SIDT2: variants seen among roughly 807,000 people sequenced by gnomAD.
The protein encoded by SIDT2 is SID1 transmembrane family member 2.
In SIDT2, 68 loss-of-function variants were observed where a neutral mutation model predicts 114.4. The ratio of observed to expected loss-of-function variants is 0.59; its 90% CI spans 0.49 to 0.73. SIDT2 has a LOEUF of 0.73. Among genes scored for constraint, SIDT2 ranks in the 30% least tolerant of loss-of-function variants. The probability of loss-of-function intolerance (pLI) is 0.00; values close to 1 mark genes in which losing one functional copy is unlikely to be tolerated. For missense variants in SIDT2, 918 were observed against 1,097.1 expected (o/e 0.84, Z 2.31); for synonymous variants, 470 against 438.4 (o/e 1.07, Z -0.90).
Position 117,190,124 on chromosome 11 carries a change from G to T in SIDT2, c.1494-42G>T. Reference sequence around the variant, plus strand: ...CCACGTGGGCTAGGGAAGAGGCCTGGGTGTGAGTCCCAAGCAGTCTGCCTT... The same window carrying T: ...CCACGTGGGCTAGGGAAGAGGCCTGTGTGTGAGTCCCAAGCAGTCTGCCTT... On this transcript the variant is annotated intron_variant, in intron 16 of 25. Coordinates refer to ENST00000324225, the MANE Select transcript of SIDT2 (RefSeq NM_001040455.2). The surrounding 1 kb of genome is among the most constrained non-coding windows in gnomAD (Gnocchi z 4.1). The T allele has an allele frequency of 6.2e-7, 1 of 1,608,638 alleles. No individual in the cohort carries two copies. Among genetic ancestry groups the T allele is most frequent in the Non-Finnish European group, 8.5e-7 (1 of 1,176,786 alleles).
Position 117,193,882 on chromosome 11 carries a change from C to G in SIDT2, c.2241C>G (p.Ile747Met). 2 of 1,614,066 alleles carry G rather than the reference C, an allele frequency of 1.2e-6. No individual in the cohort carries two copies. Among genetic ancestry groups the G allele is most frequent in the Non-Finnish European group, 1.7e-6 (2 of 1,180,002 alleles). Residue 747 changes from isoleucine (I) to methionine (M), a missense_variant, in exon 24 of 26, where the codon ATC (isoleucine) becomes ATG (methionine). Ile to Met is a conservative substitution (Grantham distance 10). Around this residue, in one of 4 missense-constraint regions of SIDT2, gnomAD observed 275 missense variants for 397.6 expected, o/e 0.69. Transcript: ENST00000324225. ...KLRSGERIKL[I>M]PLLCIVCTSV... ...GGAGTGGGGAGAGGATCAAGCTCATCCCCCTGCTCTGCATCGTTTGCACCT... is the reference window on the plus strand; with the variant it reads ...GGAGTGGGGAGAGGATCAAGCTCATGCCCCTGCTCTGCATCGTTTGCACCT...
chr11:117,195,448 G>A (rs557917996), intron 24 of SIDT2, among the ~76,000 whole-genome samples: 21 of 152,296 alleles, frequency 1.4e-4, no homozygotes, highest in Admixed American at 7.8e-4. Flanking sequence ...GAGCAAGGGC[G>A]GAGTCCAAGG....
intron 1 of SIDT2, among the ~76,000 whole-genome samples, chr11:117,180,120 G>A (rs1207633678): frequency 6.6e-6 from 1 of 152,228 alleles, no homozygotes; most frequent in Non-Finnish European, 1.5e-5. Flanking sequence ...CCCAGGCAGA[G>A]CTGAGATTGG....
chr11:117,190,840 C>T lies in SIDT2; in HGVS notation c.1735+100C>T. 1.1e-6 allele frequency: 1 copy of T among 910,700 alleles called. No individual in the cohort carries two copies. Among genetic ancestry groups the T allele is most frequent in the Non-Finnish European group, 1.8e-6 (1 of 560,354 alleles). The allele number at this position is 910,700 out of a possible 1,614,324, so 56.4% of individuals were successfully genotyped here. ...ACCCACAGGGATCGCTAAGACACCC[C>T]TGTAGGAAACTCCAAGGCTGGCGTG... On this transcript the variant is annotated intron_variant, in intron 18 of 25. Coordinates refer to ENST00000324225, the MANE Select transcript of SIDT2 (RefSeq NM_001040455.2). The surrounding 1 kb of genome is among the most constrained non-coding windows in gnomAD (Gnocchi z 4.1).
intron 10 of SIDT2, chr11:117,186,843 T>C: frequency 9.6e-7 from 1 of 1,043,736 alleles, no homozygotes; most frequent in Non-Finnish European, 1.4e-6. Context: ...GAGGTGTTGC[T>C]TGGTTTATTC....
intron 18 of SIDT2, 156 bp from the exon 19 acceptor site, chr11:117,191,722 G>A: frequency 3.5e-4 from 335 of 960,326 alleles, no homozygotes; most frequent in Admixed American, 1.4e-3. Context: ...GTACAACTAA[G>A]GAACTGAAGT....
intron 24 of SIDT2, 52 bp downstream of exon 24, chr11:117,194,015 T>C: frequency 7.1e-7 from 1 of 1,406,460 alleles, no homozygotes. Flanking sequence ...CCAGTCCTCT[T>C]TTTAAACATT....
chr11:117,189,991 A>C lies in SIDT2; in HGVS notation c.1459A>C (p.Asn487His). ...VTGNQDICYY[N>H]FLCAHPLGNL... ...AGGGAATCAGGACATCTGCTACTAC[A>C]ACTTCCTCTGCGCCCACCCACTGGG... The change falls in exon 16 of 26, where the codon AAC becomes CAC. Residue 487 changes from asparagine (N) to histidine (H), a missense_variant. This residue lies in a region of SIDT2 where 18 missense variants were observed against 39.6 expected (regional missense o/e 0.45). Transcript: ENST00000324225. The C allele has an allele frequency of 6.2e-7, 1 of 1,614,064 alleles. No individual in the cohort carries two copies. Among genetic ancestry groups the C allele is most frequent in the Non-Finnish European group, 8.5e-7 (1 of 1,180,004 alleles).
At position 117,182,588 on chromosome 11, in the gene SIDT2, C is replaced by T; in HGVS notation, c.586C>T (p.Pro196Ser). 6.2e-7 allele frequency: 1 copy of T among 1,614,256 alleles called. No homozygotes were observed. The highest frequency in any genetic ancestry group is 8.5e-7 in the Non-Finnish European group (1 of 1,180,048). The change falls in exon 5 of 26, where the codon CCC becomes TCC. Residue 196 changes from proline to serine, a missense_variant. Physicochemically the swap from Pro to Ser is moderately conservative, Grantham distance 74. This residue lies in a region of SIDT2 where 553 missense variants were observed against 600.1 expected (regional missense o/e 0.92). Transcript: ENST00000324225. ...CAAGGTGACCTCCAACAAGGCCTTC[C>T]CCTGCTCAGTCATCTCCATTCAGGA... is the stretch of plus-strand genomic sequence containing the variant. ...IVKVTSNKAFPCSVISIQDVL... is the reference protein window; with the variant it reads ...IVKVTSNKAFSCSVISIQDVL...
In SIDT2 at chr11:117,181,473, C is replaced by T. The variant is rs1374177896; in HGVS notation, c.241C>T (p.Leu81=). Residue 81 remains leucine (L), a synonymous_variant, in exon 2 of 26, where the codon CTG becomes TTG. Transcript: ENST00000324225. ...VLNKQKGAPL[L]FVVRQKEAVV... ...GAACAAGCAGAAGGGGGCGCCGTTG[C>T]TGTTTGTGGTCCGCCAGAAGGAGGC... 1 of 1,613,744 alleles carries T rather than the reference C, an allele frequency of 6.2e-7. No individual in the cohort carries two copies. Among genetic ancestry groups the T allele is most frequent in the East Asian group, 2.2e-5 (1 of 44,834 alleles).
intron 6 of SIDT2, 130 bp downstream of exon 6, chr11:117,182,936 T>C (rs773141845): frequency 1.2e-4 from 123 of 1,004,340 alleles, no homozygotes; most frequent in Non-Finnish European, 1.6e-4. Context: ...TTCCAGTCCC[T>C]GTGACTTTGA....
In SIDT2 at chr11:117,188,876, T is replaced by G; in HGVS notation, c.1278+50T>G. 3.9e-6 allele frequency: 6 copies of G among 1,531,620 alleles called. No individual in the cohort carries two copies. The highest frequency in any genetic ancestry group is 5.4e-6 in the Non-Finnish European group (6 of 1,104,794). 94.9% of individuals were successfully genotyped at this position (1,531,620 alleles called of 1,614,324 possible). ...TCAGGCGTTTCCTGAGAAAGGGACA[T>G]TCTGCGTTCCCGCCCCAGCATGTTC... On this transcript the variant is annotated intron_variant, in intron 13 of 25. Coordinates refer to ENST00000324225, the MANE Select transcript of SIDT2 (RefSeq NM_001040455.2). This position sits in a 1 kb window ranked among gnomAD's most constrained non-coding sequence, Gnocchi z 4.0.
chr11:117,193,273 CCAAG>C lies in SIDT2; in HGVS notation c.2211+17_2211+20del. ...TCATCATGAAGGTGAGTGGGGCTGG[CCAAG>C]CCCCCTCTGTCAGCTGCTCTGCTAT... is the stretch of plus-strand genomic sequence containing the variant. On this transcript the variant is annotated intron_variant, in intron 23 of 25. Coordinates refer to ENST00000324225, the MANE Select transcript of SIDT2 (RefSeq NM_001040455.2). The C allele has an allele frequency of 6.3e-7, 1 of 1,592,436 alleles. No homozygotes were observed.
At chr11:117,182,912 C>T in intron 6 of SIDT2, 106 bp downstream of exon 6, 1 of 1,271,016 alleles carries the variant, frequency 7.9e-7, no homozygotes, top group Admixed American at 2.4e-5. Flanking sequence ...CTACACACGA[C>T]TGAGTCTTTG....
In SIDT2 at chr11:117,187,392, C is replaced by A. The variant is rs149993039; in HGVS notation, c.1030C>A (p.Leu344Met). 306 of 1,614,068 alleles carry A rather than the reference C, an allele frequency of 1.9e-4. 1 individual carries two copies. The African/African-American group carries it at 3.8e-3, about 20-fold the overall frequency. ...TCTCATTGCAGGTCACCCTCGAGTC[C>A]TGGCTGATTCTTTTCCTGGCAGTTC... Reference protein sequence around the residue: ...ACPESGHPRVLADSFPGSSPY... With the variant: ...ACPESGHPRVMADSFPGSSPY... The change falls in exon 11 of 26, where the codon CTG (leucine) becomes ATG (methionine). Residue 344 changes from leucine to methionine, a missense_variant. Leu to Met is a conservative substitution (Grantham distance 15). Transcript: ENST00000324225.
At position 117,187,457 on chromosome 11, in the gene SIDT2, T is replaced by A; in HGVS notation, c.1087+8T>A. On this transcript the variant is annotated splice_region_variant and intron_variant, in intron 11 of 25. Transcript: ENST00000324225. The stretch of plus-strand genomic sequence containing the variant: ...ACAACTATGGCTCCTTTGGTACGTG[T>A]CAAAGCCAGCACCGTGCTTGCTGGG... 1 of 1,613,774 alleles carries A rather than the reference T, an allele frequency of 6.2e-7. No individual in the cohort carries two copies. Among genetic ancestry groups the A allele is most frequent in the Non-Finnish European group, 8.5e-7 (1 of 1,179,728 alleles).
At position 117,192,215 on chromosome 11, in the gene SIDT2, T is replaced by C. The variant is rs767328179; in HGVS notation, c.1873-39T>C. 6.8e-7 allele frequency: 1 copy of C among 1,481,248 alleles called. No homozygotes were observed. Among genetic ancestry groups the C allele is most frequent in the South Asian group, 1.1e-5 (1 of 88,422 alleles). 91.8% of individuals were successfully genotyped at this position (1,481,248 alleles called of 1,614,324 possible). On this transcript the variant is annotated intron_variant, in intron 19 of 25. Coordinates refer to ENST00000324225, the MANE Select transcript of SIDT2 (RefSeq NM_001040455.2). This position sits in a 1 kb window ranked among gnomAD's most constrained non-coding sequence, Gnocchi z 5.9. ...GGGTGGGCCATCCGAGCCACTTCCC[T>C]CTCCACCCTCACCGCTGCCCTTGGT...
At position 117,192,796 on chromosome 11, in the gene SIDT2, C is replaced by T; in HGVS notation, c.2059-24C>T. 1 of 1,614,096 alleles carries T rather than the reference C, an allele frequency of 6.2e-7. No homozygotes were observed. The highest frequency in any genetic ancestry group is 1.1e-5 in the South Asian group (1 of 91,088). On this transcript the variant is annotated intron_variant, in intron 21 of 25. Coordinates refer to ENST00000324225, the MANE Select transcript of SIDT2 (RefSeq NM_001040455.2). The surrounding 1 kb of genome is among the most constrained non-coding windows in gnomAD (Gnocchi z 5.9). Reference sequence around the variant, plus strand: ...CACCCTCCCTGCCCCTGCCCTCAGTCCCTGTGTCCCTGCTTCCCTCCAGGA... The same window carrying T: ...CACCCTCCCTGCCCCTGCCCTCAGTTCCTGTGTCCCTGCTTCCCTCCAGGA...
chr11:117,181,531 G>A lies in SIDT2; in HGVS notation c.299G>A (p.Arg100Gln), dbSNP rs760499947. 3 of 1,613,916 alleles carry A rather than the reference G, an allele frequency of 1.9e-6. No homozygotes were observed. Among genetic ancestry groups the A allele is most frequent in the Admixed American group, 1.7e-5 (1 of 59,996 alleles). Residue 100 changes from arginine (R) to glutamine (Q), a missense_variant, in exon 2 of 26, where the codon CGA (arginine) becomes CAA (glutamine). This residue lies in a region of SIDT2 where 553 missense variants were observed against 600.1 expected (regional missense o/e 0.92). Transcript: ENST00000324225. ...VVSFQVPLIL[R>Q]GMFQRKYLYQ... ...TCCTTCCAGGTGCCCCTAATCCTGC[G>A]AGGGATGTGAGTAGGATCTGGGCAT...
Sources: gnomAD v4.1 joint callset for allele counts (sites outside exome capture counted in the v4.1 genomes callset) on GRCh38, gnomAD v4.1.1 for gene constraint, gnomAD v4.1.1 regional missense constraint, Gnocchi (gnomAD v3.1) non-coding constraint, MANE v1.5 for transcripts, NCBI Gene and HGNC (gene_info 2026-07-23, HGNC 2026-07-21) for gene names.